The following FAF1 variants were observed in gnomAD, a reference collection of about 807,000 sequenced individuals.
FAF1 encodes FAS-associated factor 1.
In FAF1, 25 loss-of-function variants were observed where a neutral mutation model predicts 92.5. The ratio of observed to expected loss-of-function variants is 0.27; its 90% CI spans 0.20 to 0.38. The LOEUF is 0.38. Ranked by LOEUF, FAF1 falls within the 10% of genes least tolerant of loss-of-function variation. The pLI is 1.00. For synonymous variants in FAF1, 234 were observed against 273.2 expected, an observed-to-expected ratio of 0.86 and a Z score of 1.42; for missense variants, 636 against 793.3, an observed-to-expected ratio of 0.80 and a Z score of 2.38.
intron 6 of FAF1, among the ~76,000 whole-genome samples, chr1:50,732,605 CTTTAT>C (rs1346798710): frequency 1.3e-5 from 2 of 151,942 alleles, no homozygotes; most frequent in Admixed American, 6.6e-5. Context: ...CTTTCTTTTC[CTTTAT>C]TTTCTCTGTC....
At chr1:50,652,933 A>G (rs963111476) in intron 8 of FAF1, among the ~76,000 whole-genome samples, 5 of 152,198 alleles carry the variant, frequency 3.3e-5, no homozygotes, top group African/African-American at 7.2e-5. Flanking sequence ...ATAGTTCTGC[A>G]AATTAGTGAC....
chr1:50,487,271 T>C (rs1477707023), intron 17 of FAF1, among the ~76,000 whole-genome samples: 2 of 152,180 alleles, frequency 1.3e-5, no homozygotes, highest in Non-Finnish European at 2.9e-5. Flanking sequence ...TTGTAAACTA[T>C]CATATTTTCC....
chr1:50,653,928 A>C (rs1259305137), intron 8 of FAF1, among the ~76,000 whole-genome samples: 1 of 152,188 alleles, frequency 6.6e-6, no homozygotes, highest in Non-Finnish European at 1.5e-5. Context: ...TCGGCCTCCC[A>C]AAGTGCTGGG....
chr1:50,799,658 C>T lies in FAF1; in HGVS notation c.161+1973G>A, dbSNP rs910932760. Among the ~76,000 whole-genome samples, 13 of 152,164 alleles carry T rather than the reference C, an allele frequency of 8.5e-5. No individual in the cohort carries two copies. In the South Asian group the frequency reaches 1.0e-3, roughly 12 times the overall value. ...AGTTCATTATCTCATGAGAATATTG[C>T]TTTATATAGTAATTTATTTAAACTA... On this transcript the variant is annotated intron_variant, in intron 3 of 18. Coordinates refer to ENST00000396153, the MANE Select transcript of FAF1 (RefSeq NM_007051.3).
intron 4 of FAF1, among the ~76,000 whole-genome samples, chr1:50,775,396 A>G (rs1426411515): frequency 6.6e-6 from 1 of 152,128 alleles, no homozygotes; most frequent in African/African-American, 2.4e-5. Context: ...AAAGGGTAAG[A>G]TGTGTTAAAA....
chr1:50,597,427 G>A (rs1483927555), intron 8 of FAF1, among the ~76,000 whole-genome samples: 1 of 151,880 alleles, frequency 6.6e-6, no homozygotes, highest in Non-Finnish European at 1.5e-5. Flanking sequence ...GACCCTAGTG[G>A]TGATGATGAT....
intron 6 of FAF1, among the ~76,000 whole-genome samples, chr1:50,727,547 T>C (rs1207243809): frequency 1.3e-5 from 2 of 152,174 alleles, no homozygotes; most frequent in Non-Finnish European, 2.9e-5. Flanking sequence ...CAACAAAAAA[T>C]CCCTGATTTT....
intron 4 of FAF1, among the ~76,000 whole-genome samples, chr1:50,746,110 G>C (rs1377831496): frequency 1.3e-5 from 2 of 151,390 alleles, no homozygotes; most frequent in African/African-American, 4.9e-5. Context: ...GAGATCTGTG[G>C]AACTTTGAAG....
chr1:50,490,427 G>A (rs1161482349), intron 17 of FAF1, among the ~76,000 whole-genome samples, 161 bp downstream of exon 17: 1 of 115,520 alleles, frequency 8.7e-6, no homozygotes, highest in Non-Finnish European at 1.8e-5. Context: ...AAGGAAGGAA[G>A]GAAGGAAGGA....
intron 1 of FAF1, among the ~76,000 whole-genome samples, chr1:50,946,337 GCAA>G (rs1645172335): frequency 6.6e-6 from 1 of 152,198 alleles, no homozygotes; most frequent in African/African-American, 2.4e-5. Flanking sequence ...AGGAGAGTTG[GCAA>G]CAACCAGAGG....
chr1:50,624,168 G>T (rs921596432), intron 8 of FAF1, among the ~76,000 whole-genome samples: 5 of 151,596 alleles, frequency 3.3e-5, no homozygotes, highest in Non-Finnish European at 7.4e-5. Flanking sequence ...TTTTTTTTCA[G>T]ATGCAGTCTA....
chr1:50,571,433 G>A (rs1650432678), intron 12 of FAF1, among the ~76,000 whole-genome samples: 1 of 152,196 alleles, frequency 6.6e-6, no homozygotes, highest in African/African-American at 2.4e-5. Context: ...CGCAGATAAT[G>A]TAGGTTAAGT....
At chr1:50,504,948 A>G (rs543755220) in intron 15 of FAF1, among the ~76,000 whole-genome samples, 72 of 152,324 alleles carry the variant, frequency 4.7e-4, no homozygotes, top group Non-Finnish European at 7.6e-4. Context: ...ATGAACTTTA[A>G]TAAGACCTCC....
chr1:50,895,858 A>C (rs1214335438), intron 1 of FAF1, among the ~76,000 whole-genome samples: 2 of 152,196 alleles, frequency 1.3e-5, no homozygotes, highest in Non-Finnish European at 2.9e-5. Flanking sequence ...ATGATTTTAA[A>C]AAAAAAGCCT....
intron 7 of FAF1, among the ~76,000 whole-genome samples, chr1:50,670,127 GAAAAAAAA>G (rs1008153553): frequency 4.0e-5 from 3 of 74,746 alleles, no homozygotes; most frequent in Admixed American, 1.6e-4. Context: ...GTCTCAAAAA[GAAAAAAAA>G]AAAAAAAAAA....
At chr1:50,937,848 T>C (rs1164892703) in intron 1 of FAF1, among the ~76,000 whole-genome samples, 1 of 152,178 alleles carries the variant, frequency 6.6e-6, no homozygotes, top group African/African-American at 2.4e-5. Context: ...ACAGAGCAGA[T>C]AATCGAAAAA....
chr1:50,611,946 G>C (rs1652705102), intron 8 of FAF1, among the ~76,000 whole-genome samples: 1 of 152,138 alleles, frequency 6.6e-6, no homozygotes, highest in African/African-American at 2.4e-5. Context: ...AAAGCAAAGG[G>C]CAAAATAATG....
At position 50,457,724 on chromosome 1, in the gene FAF1, CAAAA is replaced by C. The variant is rs35479561; in HGVS notation, c.1870-16205_1870-16202del. On this transcript the variant is annotated intron_variant, in intron 18 of 18. Coordinates refer to ENST00000396153, the MANE Select transcript of FAF1 (RefSeq NM_007051.3). Reference sequence around the variant, plus strand: ...GCAATTCGGTGAAACCCCATCTCTGCAAAAAAAAAAAAAAAAAAAAAATACAAAA... The same window carrying C: ...GCAATTCGGTGAAACCCCATCTCTGCAAAAAAAAAAAAAAAAAATACAAAA... Among the ~76,000 whole-genome samples, 295 of 56,560 alleles carry C rather than the reference CAAAA, an allele frequency of 5.2e-3. 5 individuals are homozygous for C. Among genetic ancestry groups the C allele is most frequent in the African/African-American group, 0.027 (279 of 10,434 alleles). 37.1% of individuals were successfully genotyped at this position (56,560 alleles called of 152,430 possible). A position where few individuals can be genotyped will look rare whatever the true frequency, so the allele number is the denominator to read the frequency against.
chr1:50,887,141 C>T (rs1003934309), intron 1 of FAF1, among the ~76,000 whole-genome samples: 1 of 152,180 alleles, frequency 6.6e-6, no homozygotes, highest in Non-Finnish European at 1.5e-5. Flanking sequence ...TGATGATGAG[C>T]ATTTTTTCAT....
Sources: gnomAD v4.1 joint callset for allele counts (sites outside exome capture counted in the v4.1 genomes callset) on GRCh38, gnomAD v4.1.1 for gene constraint, MANE v1.5 for transcripts, NCBI Gene and HGNC (gene_info 2026-07-23, HGNC 2026-07-21) for gene names.